Variants in DDB2 observed in about 807,000 individuals in gnomAD.
The protein encoded by DDB2 is DNA damage-binding protein 2.
DDB2 carries 27 observed loss-of-function variants against 50.5 expected under a neutral mutation model. The ratio of observed to expected loss-of-function variants is 0.53; its 90% CI spans 0.39 to 0.74. DDB2 has a LOEUF of 0.74. Among genes scored for constraint, DDB2 ranks in the 30% least tolerant of loss-of-function variants. DDB2 has a pLI of 0.00. For synonymous variants in DDB2, 176 were observed against 205.5 expected, an observed-to-expected ratio of 0.86 and a Z score of 1.23; for missense variants, 424 against 545.6, an observed-to-expected ratio of 0.78 and a Z score of 2.22.
At chr11:47,214,771 T>TA (rs781389544), upstream of DDB2, 4,046 of 304,450 alleles carry the variant, frequency 0.013, 1 homozygote, top group Middle Eastern at 0.019. Flanking sequence ...ACCCTGTTGC[T>TA]AAAAAAAAAA....
chr11:47,216,318 G>T lies in DDB2; in HGVS notation c.128-18G>T. The T allele has an allele frequency of 6.2e-7, 1 of 1,614,110 alleles. No homozygotes were observed. The highest frequency in any genetic ancestry group is 8.5e-7 in the Non-Finnish European group (1 of 1,179,994). ...TTCGTGAGATTGGAGAGGAAAATATGTCTGTTCTGCTTGGCAGGTCCTAGC... is the reference window on the plus strand; with the variant it reads ...TTCGTGAGATTGGAGAGGAAAATATTTCTGTTCTGCTTGGCAGGTCCTAGC... On this transcript the variant is annotated intron_variant, in intron 1 of 9. Transcript: ENST00000256996.
intron 3 of DDB2, among the ~76,000 whole-genome samples, chr11:47,226,278 C>CTTTTT (rs759607243): frequency 1.4e-5 from 2 of 139,288 alleles, no homozygotes; most frequent in Non-Finnish European, 3.1e-5. Flanking sequence ...CATTTATTTT[C>CTTTTT]TTTTTTTTTT....
At chr11:47,234,063 A>G (rs1415872322) in intron 4 of DDB2, among the ~76,000 whole-genome samples, 1 of 152,144 alleles carries the variant, frequency 6.6e-6, no homozygotes, top group Non-Finnish European at 1.5e-5. Flanking sequence ...TCAGCCTCCC[A>G]GTCCAGTGGT....
At chr11:47,228,596 T>C (rs1205832782) in intron 3 of DDB2, among the ~76,000 whole-genome samples, 1 of 149,828 alleles carries the variant, frequency 6.7e-6, no homozygotes, top group Non-Finnish European at 1.5e-5. Flanking sequence ...TGAGCCAAGA[T>C]TGTGCCACTG....
In DDB2 at chr11:47,229,630, A is replaced by G. The variant is rs1004485309; in HGVS notation, c.457-3184A>G. 3.3e-5 allele frequency among the ~76,000 whole-genome samples: 5 copies of G among 152,304 alleles called. No individual in the cohort carries two copies. The East Asian group carries it at 9.6e-4, about 29-fold the overall frequency. On this transcript the variant is annotated intron_variant, in intron 3 of 9. Coordinates refer to ENST00000256996, the MANE Select transcript of DDB2 (RefSeq NM_000107.3). ...ACTGTCAAAGAAGGGAATTATAAAC[A>G]TGGAAAGAGAGAAACTCGAATCAAC...
intron 2 of DDB2, 32 bp downstream of exon 2, chr11:47,216,504 G>T (rs776041354): frequency 1.9e-6 from 3 of 1,612,032 alleles, no homozygotes; most frequent in Non-Finnish European, 2.5e-6. Flanking sequence ...GTCCTCAAGG[G>T]TTTACACGTG....
chr11:47,219,809 A>T (rs1313634003), intron 3 of DDB2, among the ~76,000 whole-genome samples: 1 of 149,672 alleles, frequency 6.7e-6, no homozygotes, highest in African/African-American at 2.5e-5. Flanking sequence ...TTTTTTTGAG[A>T]TGGAGTCTCA....
At position 47,238,841 on chromosome 11, in the gene DDB2, CG is replaced by C. The variant is rs1424278723; in HGVS notation, c.1278del (p.Lys427SerfsTer5). ...LIWSQEEART[R>X]K Reference sequence around the variant, plus strand: ...CTGGAGCCAGGAGGAAGCCAGGACACGGAAGTGAGAGACACTAAAGAAGGTG... The same window carrying C: ...CTGGAGCCAGGAGGAAGCCAGGACACGAAGTGAGAGACACTAAAGAAGGTG... On this transcript the variant is annotated frameshift_variant, in exon 10 of 10. Coordinates refer to ENST00000256996, the MANE Select transcript of DDB2 (RefSeq NM_000107.3). LOFTEE classifies it high-confidence loss of function. 2 of 1,613,398 alleles carry C rather than the reference CG, an allele frequency of 1.2e-6. No individual in the cohort carries two copies. Among genetic ancestry groups the C allele is most frequent in the East Asian group, 2.2e-5 (1 of 44,850 alleles).
chr11:47,231,640 A>T (rs1953651445), intron 3 of DDB2, among the ~76,000 whole-genome samples: 1 of 152,002 alleles, frequency 6.6e-6, no homozygotes, highest in Admixed American at 6.6e-5. Flanking sequence ...TTCCCACCTC[A>T]GCCTTCTGAG....
At position 47,234,637 on chromosome 11, in the gene DDB2, G is replaced by A. The variant is rs962829260; in HGVS notation, c.667G>A (p.Gly223Arg). The A allele has an allele frequency of 1.2e-6, 2 of 1,614,078 alleles. No individual in the cohort carries two copies. Among genetic ancestry groups the A allele is most frequent in the Non-Finnish European group, 1.7e-6 (2 of 1,180,010 alleles). Residue 223 changes from glycine to arginine, a missense_variant, in exon 5 of 10, where the codon GGG (glycine) becomes AGG (arginine). By Grantham distance (125) the Gly-to-Arg change is moderately radical (BLOSUM62 -2). Transcript: ENST00000256996. Reference protein sequence around the residue: ...SRMVVTGDNVGNVILLNMDGK... With the variant: ...SRMVVTGDNVRNVILLNMDGK... ...AATGGTGGTCACAGGAGACAACGTG[G>A]GGAACGTGATCCTGCTGAACATGGA...
Position 47,238,842 on chromosome 11 carries a change from G to A in DDB2, c.1277G>A (p.Arg426Gln), listed in dbSNP as rs773828524. The A allele has an allele frequency of 1.9e-5, 30 of 1,613,392 alleles. No individual in the cohort carries two copies. The highest frequency in any genetic ancestry group is 6.7e-5 in the East Asian group (3 of 44,864). The change falls in exon 10 of 10, where the codon CGG becomes CAG. Residue 426 changes from arginine to glutamine, a missense_variant. Coordinates refer to ENST00000256996, the MANE Select transcript of DDB2 (RefSeq NM_000107.3). ...TGGAGCCAGGAGGAAGCCAGGACAC[G>A]GAAGTGAGAGACACTAAAGAAGGTG... ...LIWSQEEART[R>Q]K
intron 3 of DDB2, chr11:47,229,678 G>A: frequency 3.4e-6 from 1 of 298,306 alleles, no homozygotes; most frequent in Non-Finnish European, 6.6e-6. Flanking sequence ...ACTTTGAATT[G>A]AAGACATTGA....
chr11:47,232,172 T>C (rs1013001115), intron 3 of DDB2, among the ~76,000 whole-genome samples: 1 of 151,752 alleles, frequency 6.6e-6, no homozygotes, highest in Admixed American at 6.6e-5. Context: ...GGTGAAACCC[T>C]GTCTCTACTA....
At chr11:47,219,412 G>A (rs1953450210) in intron 3 of DDB2, among the ~76,000 whole-genome samples, 1 of 152,058 alleles carries the variant, frequency 6.6e-6, no homozygotes, top group Non-Finnish European at 1.5e-5. Flanking sequence ...CCAGGCTGGA[G>A]TGCAGTGACA....
chr11:47,231,534 T>C (rs1217758774), intron 3 of DDB2, among the ~76,000 whole-genome samples: 2 of 152,206 alleles, frequency 1.3e-5, no homozygotes, highest in Non-Finnish European at 1.5e-5. Context: ...TATTTTATTT[T>C]ATTTTTAGAG....
intron 7 of DDB2, 148 bp downstream of exon 7, chr11:47,235,560 C>A: frequency 3.9e-6 from 3 of 765,904 alleles, no homozygotes; most frequent in Non-Finnish European, 4.4e-6. Context: ...TACCCATTGG[C>A]TCTCTCTCTT....
At chr11:47,217,497 T>C (rs1234740864) in intron 3 of DDB2, 2 of 153,498 alleles carry the variant, frequency 1.3e-5, no homozygotes, top group African/African-American at 4.8e-5. Context: ...CAAAATTAAC[T>C]GTGGGCATTT....
In DDB2 at chr11:47,238,185, T is replaced by C. The variant is rs1223872038; in HGVS notation, c.1234+2T>C. 1.2e-6 allele frequency: 2 copies of C among 1,608,918 alleles called. No homozygotes were observed. Among genetic ancestry groups the C allele is most frequent in the Non-Finnish European group, 1.7e-6 (2 of 1,177,388 alleles). The stretch of plus-strand genomic sequence containing the variant: ...GGGACACGCTGGCCTCTGCAATGGG[T>C]GAGTAGGAGGAGAATGTCTCTGACT... On this transcript the variant is annotated splice_donor_variant, in intron 9 of 9. Coordinates refer to ENST00000256996, the MANE Select transcript of DDB2 (RefSeq NM_000107.3). LOFTEE classifies it high-confidence loss of function.
intron 3 of DDB2, among the ~76,000 whole-genome samples, chr11:47,219,696 C>T (rs969898408): frequency 6.6e-6 from 1 of 152,184 alleles, no homozygotes; most frequent in African/African-American, 2.4e-5. Flanking sequence ...AAACACACGT[C>T]TCAGCCGAAT....
Sources: allele counts gnomAD v4.1 joint callset (sites outside exome capture counted in the v4.1 genomes callset), GRCh38; gene constraint gnomAD v4.1.1; transcripts MANE v1.5; gene names NCBI Gene and HGNC (gene_info 2026-07-23, HGNC 2026-07-21).